Variants in ZNF678 observed in about 807,000 individuals in gnomAD.
ZNF678 encodes hypothetical protein MGC42493.
Under a neutral mutation model 3.0 loss-of-function variants are expected in ZNF678, and 5 were observed. The ratio of observed to expected loss-of-function variants is 1.69; its 90% confidence interval spans 0.88 to 3.56. ZNF678 has a LOEUF of 3.56. ZNF678 is among the 30% of genes most tolerant of loss of function. ZNF678 has a pLI of 0.00. For synonymous variants in ZNF678, 218 were observed against 199.6 expected (o/e 1.09, Z -0.78); for missense variants, 593 against 605.0 (o/e 0.98, Z 0.21).
intron 1 of ZNF678, among the ~76,000 whole-genome samples, chr1:227,625,596 G>T (rs1658391651): frequency 6.6e-6 from 1 of 152,132 alleles, no homozygotes; most frequent in African/African-American, 2.4e-5. Context: ...AAGTGCAGGG[G>T]GATGTACATC....
chr1:227,655,912 C>A lies in ZNF678; in HGVS notation c.*84C>A. The A allele has an allele frequency of 7.8e-7, 1 of 1,284,112 alleles. No homozygotes were observed. The highest frequency in any genetic ancestry group is 1.1e-6 in the Non-Finnish European group (1 of 933,430). 79.5% of individuals were successfully genotyped at this position (1,284,112 alleles called of 1,614,324 possible). A position where few individuals can be genotyped will look rare whatever the true frequency, so the allele number is the denominator to read the frequency against. ...ATAATGACTGTTTAAGGATGTTTCACAAAATGTAAGCTTCAGAGTGCACAA... is the reference window on the plus strand; with the variant it reads ...ATAATGACTGTTTAAGGATGTTTCAAAAAATGTAAGCTTCAGAGTGCACAA... On this transcript the variant is annotated 3_prime_UTR_variant, in exon 4 of 4. Transcript: ENST00000343776.
chr1:227,625,565 G>A (rs946513528), intron 1 of ZNF678, among the ~76,000 whole-genome samples: 2 of 152,204 alleles, frequency 1.3e-5, no homozygotes, highest in African/African-American at 4.8e-5. Context: ...TAAAGATACA[G>A]GGATTGAAAT....
downstream of ZNF678, among the ~76,000 whole-genome samples, chr1:227,663,953 C>G (rs1571925504): frequency 6.6e-6 from 1 of 152,194 alleles, no homozygotes; most frequent in East Asian, 1.9e-4. Flanking sequence ...TGCCCTTCAT[C>G]CAAAGAGATG....
At chr1:227,598,603 GT>G in intron 1 of ZNF678, 1 of 611,886 alleles carries the variant, frequency 1.6e-6, no homozygotes. Context: ...GATGATAAAG[GT>G]TTATCTTAAG....
chr1:227,620,570 G>A (rs1658256587), intron 1 of ZNF678, among the ~76,000 whole-genome samples: 2 of 152,200 alleles, frequency 1.3e-5, no homozygotes, highest in South Asian at 4.1e-4. Flanking sequence ...GCCAAGTGAA[G>A]ACTGCTGTGT....
rs7528010 is a variant in ZNF678, at chr1:227,659,158, A to T, written c.*3330A>T. 1 of 151,930 alleles carries T rather than the reference A, an allele frequency of 6.6e-6. No homozygotes were observed. Among genetic ancestry groups the T allele is most frequent in the East Asian group, 1.9e-4 (1 of 5,182 alleles). The allele number at this position is 151,930 out of a possible 1,614,324, so 9.4% of individuals were successfully genotyped here. On this transcript the variant is annotated 3_prime_UTR_variant, in exon 4 of 4. Coordinates refer to ENST00000343776, the MANE Select transcript of ZNF678 (RefSeq NM_001367909.1). ...ATTTAATTTTTCAAATTTAATTTAA[A>T]TTTCTAAATGCTTCTGTGGATTTAA...
rs34957575 is a variant in ZNF678 at position 227,588,900 on chromosome 1, CTT to C, written c.-164+25187_-164+25188del. On this transcript the variant is annotated intron_variant, in intron 1 of 3. Transcript: ENST00000343776. ...TTTTCTCATGATCAGTGATGTTAAG[CTT>C]TTTTTTTTTTCATATGTTTATTGGC... Among the ~76,000 whole-genome samples the C allele has an allele frequency of 2.9e-3, 428 of 147,358 alleles. 3 individuals are homozygous for C. The highest frequency in any genetic ancestry group is 9.9e-3 in the African/African-American group (396 of 40,122).
chr1:227,607,511 G>A (rs1174388477), intron 1 of ZNF678, among the ~76,000 whole-genome samples: 2 of 152,128 alleles, frequency 1.3e-5, no homozygotes, highest in African/African-American at 4.8e-5. Flanking sequence ...CACAGGAAAT[G>A]TAACTTGTAA....
Position 227,656,319 on chromosome 1 carries a change from ATAATT to A in ZNF678, c.*494_*498del, listed in dbSNP as rs1289568067. On this transcript the variant is annotated 3_prime_UTR_variant, in exon 4 of 4. Transcript: ENST00000343776. ...CGAGAATAATTCAAAGTTAAAATAGATAATTTAGTTGTATGTAAATTTAAATGAAT... is the reference window on the plus strand; with the variant it reads ...CGAGAATAATTCAAAGTTAAAATAGATAGTTGTATGTAAATTTAAATGAAT... 6.6e-6 allele frequency: 1 copy of A among 151,982 alleles called. No homozygotes were observed. The highest frequency in any genetic ancestry group is 1.5e-5 in the Non-Finnish European group (1 of 67,866). The allele number at this position is 151,982 out of a possible 1,614,324, so 9.4% of individuals were successfully genotyped here.
At chr1:227,588,419 C>T (rs1469595370) in intron 1 of ZNF678, among the ~76,000 whole-genome samples, 4 of 151,848 alleles carry the variant, frequency 2.6e-5, no homozygotes, top group Non-Finnish European at 4.4e-5. Context: ...CTGTATTCCA[C>T]AATGGTTGAA....
At chr1:227,607,735 ATATT>A (rs1211536022) in intron 1 of ZNF678, among the ~76,000 whole-genome samples, 2 of 147,986 alleles carry the variant, frequency 1.4e-5, no homozygotes, top group Non-Finnish European at 3.0e-5. Context: ...TGTATTTTAT[ATATT>A]TATTTTATAA....
At chr1:227,571,092 G>T (rs1305391554) in intron 1 of ZNF678, among the ~76,000 whole-genome samples, 2 of 151,938 alleles carry the variant, frequency 1.3e-5, no homozygotes, top group Non-Finnish European at 2.9e-5. Context: ...TGTATTACAG[G>T]TTATTTATTT....
At position 227,654,726 on chromosome 1, in the gene ZNF678, G is replaced by A. The variant is rs557917085; in HGVS notation, c.476G>A (p.Gly159Asp). 41 of 1,612,446 alleles carry A rather than the reference G, an allele frequency of 2.5e-5. No individual in the cohort carries two copies. The highest frequency in any genetic ancestry group is 3.4e-5 in the Non-Finnish European group (40 of 1,178,912). ...AAACCCTACAAATGTGACGAATGTG[G>A]CAAAGTTTTTAATTGGTGGTCACAA... ...GEKPYKCDECGKVFNWWSQLT... is the reference protein window; with the variant it reads ...GEKPYKCDECDKVFNWWSQLT... The change falls in exon 4 of 4, where the codon GGC becomes GAC. Residue 159 changes from glycine to aspartate, a missense_variant. Transcript: ENST00000343776.
At chr1:227,643,965 G>A (rs1465873936) in intron 1 of ZNF678, among the ~76,000 whole-genome samples, 1 of 149,626 alleles carries the variant, frequency 6.7e-6, no homozygotes, top group Non-Finnish European at 1.5e-5. Flanking sequence ...CCGGGTTCAA[G>A]TGATTCTCCT....
chr1:227,655,377 C>A lies in ZNF678; in HGVS notation c.1127C>A (p.Pro376His), dbSNP rs1326254043. ...QHKRIHTGEKPYKCKECGKAF... is the reference protein window; with the variant it reads ...QHKRIHTGEKHYKCKECGKAF... ...AAAAGAATTCATACTGGAGAGAAAC[C>A]CTACAAATGCAAAGAATGTGGCAAA... Residue 376 changes from proline to histidine, a missense_variant, in exon 4 of 4, where the codon CCC (proline) becomes CAC (histidine). Pro to His is a moderately conservative substitution (Grantham distance 77). Transcript: ENST00000343776. The A allele has an allele frequency of 6.2e-7, 1 of 1,612,356 alleles. No individual in the cohort carries two copies. The highest frequency in any genetic ancestry group is 1.7e-5 in the Admixed American group (1 of 59,814).
At chr1:227,606,756 T>C (rs989613638) in intron 1 of ZNF678, among the ~76,000 whole-genome samples, 5 of 152,090 alleles carry the variant, frequency 3.3e-5, no homozygotes, top group Non-Finnish European at 5.9e-5. Flanking sequence ...CCCTGGTTAA[T>C]AGAGAATGGA....
At chr1:227,653,807 GCAATTATTTACCTTTTTCTTAGCAGAC>G (rs1173617272) in intron 3 of ZNF678, among the ~76,000 whole-genome samples, 1 of 152,090 alleles carries the variant, frequency 6.6e-6, no homozygotes, top group Non-Finnish European at 1.5e-5. Flanking sequence ...TGCTGCAGTA[GCAATTATTTACCTTTTTCTTAGCAGAC>G]CAAAGCTGTC....
intron 1 of ZNF678, among the ~76,000 whole-genome samples, chr1:227,629,166 G>A (rs1340020635): frequency 5.3e-5 from 8 of 152,166 alleles, no homozygotes; most frequent in Admixed American, 5.2e-4. Context: ...CAATCTTTTG[G>A]AGTCCTTCTT....
intron 3 of ZNF678, among the ~76,000 whole-genome samples, chr1:227,653,452 A>C (rs1479952605): frequency 6.6e-6 from 1 of 151,842 alleles, no homozygotes; most frequent in Non-Finnish European, 1.5e-5. Context: ...TTTTTAGATA[A>C]TTTATACATA....
Sources: allele counts gnomAD v4.1 joint callset (sites outside exome capture counted in the v4.1 genomes callset), GRCh38; gene constraint gnomAD v4.1.1; transcripts MANE v1.5; gene names NCBI Gene and HGNC (gene_info 2026-07-23, HGNC 2026-07-21).